Variants in NTNG1 observed in about 807,000 individuals in gnomAD.
NTNG1 encodes the protein netrin G1, also known as netrin-G1.
NTNG1 carries 16 observed loss-of-function variants against 54.0 expected under a neutral mutation model. The observed-to-expected ratio is 0.30, with a 90% confidence interval of 0.20 to 0.45. NTNG1 has a LOEUF of 0.45. NTNG1 is among the 20% of genes least tolerant of loss of function. NTNG1 has a pLI of 1.00. For synonymous variants in NTNG1, 255 were observed against 263.1 expected (o/e 0.97, Z 0.30); for missense variants, 530 against 678.7 (o/e 0.78, Z 2.43).
At chr1:107,189,838 GGGCCTTACT>G (rs1217573540) in intron 2 of NTNG1, among the ~76,000 whole-genome samples, 1 of 151,688 alleles carries the variant, frequency 6.6e-6, no homozygotes, top group African/African-American at 2.4e-5. Flanking sequence ...AAAAAGGGGG[GGGCCTTACT>G]GGATCAGGTA....
Position 107,317,296 on chromosome 1 carries a change from A to G in NTNG1, c.247-6986A>G, listed in dbSNP as rs529430355. On this transcript the variant is annotated intron_variant, in intron 2 of 7. Coordinates refer to ENST00000370068, the MANE Select transcript of NTNG1 (RefSeq NM_001113226.3). ...TAGCTTTTTTGTAATTAACGTTTTT[A>G]AAATCTGTGCTCTGATCTAATTCAA... 2.1e-4 allele frequency among the ~76,000 whole-genome samples: 32 copies of G among 152,284 alleles called. No homozygotes were observed. The East Asian group carries it at 4.6e-3, about 22-fold the overall frequency.
intron 2 of NTNG1, among the ~76,000 whole-genome samples, chr1:107,256,690 G>C (rs891890468): frequency 3.3e-5 from 5 of 152,184 alleles, no homozygotes; most frequent in Admixed American, 2.6e-4. Flanking sequence ...AGTTCCATGA[G>C]CCTGGACGGG....
At position 107,149,474 on chromosome 1, in the gene NTNG1, T is replaced by C. The variant is rs564401070; in HGVS notation, c.246+635T>C. Among the ~76,000 whole-genome samples, 6 of 152,338 alleles carry C rather than the reference T, an allele frequency of 3.9e-5. No individual in the cohort carries two copies. In the East Asian group the frequency reaches 1.2e-3, roughly 29 times the overall value. ...TCTATGTATATTTTAAAGATGACTT[T>C]TGGAATATAGAAAACTTATTTGCTG... On this transcript the variant is annotated intron_variant, in intron 2 of 7. Transcript: ENST00000370068.
At position 107,311,029 on chromosome 1, in the gene NTNG1, A is replaced by T. The variant is rs1388184956; in HGVS notation, c.247-13253A>T. 4.6e-5 allele frequency among the ~76,000 whole-genome samples: 7 copies of T among 152,314 alleles called. No individual in the cohort carries two copies. In the East Asian group the frequency reaches 1.3e-3, roughly 29 times the overall value. On this transcript the variant is annotated intron_variant, in intron 2 of 7. Coordinates refer to ENST00000370068, the MANE Select transcript of NTNG1 (RefSeq NM_001113226.3). ...TCAGAATCTCTGTAATTAGCCACTG[A>T]AGCTGTGGCAAATAAACAAAGAGCA...
At chr1:107,205,627 T>A (rs6675846) in intron 2 of NTNG1, among the ~76,000 whole-genome samples, 130,307 of 151,354 alleles carry the variant, frequency 0.86, 57,046 homozygotes, top group East Asian at 0.95. Flanking sequence ...ACTTTTTTTT[T>A]AAAAAAAACT....
At chr1:107,162,939 T>C (rs1557772115) in intron 2 of NTNG1, among the ~76,000 whole-genome samples, 1 of 152,128 alleles carries the variant, frequency 6.6e-6, no homozygotes, top group Non-Finnish European at 1.5e-5. Flanking sequence ...GAGGGTGATG[T>C]GTAACTGTAA....
At chr1:107,393,160 C>T (rs1284338290) in intron 3 of NTNG1, among the ~76,000 whole-genome samples, 14 of 152,086 alleles carry the variant, frequency 9.2e-5, no homozygotes, top group Non-Finnish European at 2.1e-4. Flanking sequence ...ATACATAATC[C>T]AATTTACAAT....
intron 2 of NTNG1, among the ~76,000 whole-genome samples, chr1:107,162,897 A>G (rs948665182): frequency 6.6e-6 from 1 of 152,094 alleles, no homozygotes; most frequent in African/African-American, 2.4e-5. Context: ...ATCATCCATC[A>G]CTGGAATAAC....
intron 7 of NTNG1, among the ~76,000 whole-genome samples, chr1:107,452,705 C>T (rs1382649672): frequency 1.3e-5 from 2 of 152,154 alleles, no homozygotes; most frequent in Non-Finnish European, 2.9e-5. Flanking sequence ...CAAGTGTCTG[C>T]TTCCCCTTTG....
At chr1:107,326,230 G>C (rs1369881813) in intron 3 of NTNG1, among the ~76,000 whole-genome samples, 1 of 152,152 alleles carries the variant, frequency 6.6e-6, no homozygotes, top group Non-Finnish European at 1.5e-5. Context: ...CCTCATGGAA[G>C]AATCAAAAGC....
chr1:107,238,823 C>T lies in NTNG1; in HGVS notation c.247-85459C>T, dbSNP rs1290272604. Among the ~76,000 whole-genome samples the T allele has an allele frequency of 2.7e-5, 4 of 150,650 alleles. No homozygotes were observed. The East Asian group carries it at 5.8e-4, about 22-fold the overall frequency. On this transcript the variant is annotated intron_variant, in intron 2 of 7. Coordinates refer to ENST00000370068, the MANE Select transcript of NTNG1 (RefSeq NM_001113226.3). ...TTTTTTTTTGTAAATTGCCCACTCT[C>T]GGGTATGTCTTTATCAGCAGCATGA...
chr1:107,401,633 A>G (rs1007041325), intron 4 of NTNG1, among the ~76,000 whole-genome samples: 4 of 152,118 alleles, frequency 2.6e-5, no homozygotes, highest in African/African-American at 9.7e-5. Flanking sequence ...AAGTTAATTC[A>G]GATCACAGTA....
chr1:107,478,388 T>G, intron 7 of NTNG1, among the ~76,000 whole-genome samples: 1 of 152,228 alleles, frequency 6.6e-6, no homozygotes, highest in East Asian at 1.9e-4. Context: ...CTAGTATATT[T>G]ATTAAATTTC....
chr1:107,281,348 G>A (rs1664847641), intron 2 of NTNG1, among the ~76,000 whole-genome samples: 1 of 151,180 alleles, frequency 6.6e-6, no homozygotes, highest in Non-Finnish European at 1.5e-5. Context: ...TTTATATTTA[G>A]CAGGGATTTT....
chr1:107,340,813 A>G (rs914657754), intron 3 of NTNG1, among the ~76,000 whole-genome samples: 2 of 152,082 alleles, frequency 1.3e-5, no homozygotes, highest in Non-Finnish European at 2.9e-5. Flanking sequence ...GATAGACTTT[A>G]GAAAAATCAC....
intron 2 of NTNG1, among the ~76,000 whole-genome samples, chr1:107,162,602 T>C (rs528947720): frequency 1.3e-5 from 2 of 152,220 alleles, no homozygotes; most frequent in African/African-American, 4.8e-5. Flanking sequence ...TTTGGATAAA[T>C]AAACATTGAG....
At chr1:107,304,225 AT>A (rs1003325997) in intron 2 of NTNG1, among the ~76,000 whole-genome samples, 5 of 151,060 alleles carry the variant, frequency 3.3e-5, no homozygotes, top group Non-Finnish European at 7.4e-5. Context: ...TTTTAAAATA[AT>A]TTTTTTCTTT....
intron 2 of NTNG1, among the ~76,000 whole-genome samples, chr1:107,196,910 G>A (rs1021608555): frequency 4.6e-5 from 7 of 151,716 alleles, no homozygotes; most frequent in Admixed American, 1.3e-4. Flanking sequence ...GTCAGACTAA[G>A]AGCCTATGAA....
chr1:107,388,731 T>A (rs1236674510), intron 3 of NTNG1, among the ~76,000 whole-genome samples: 1 of 152,208 alleles, frequency 6.6e-6, no homozygotes, highest in African/African-American at 2.4e-5. Flanking sequence ...AGTGTCCCAG[T>A]GTCATAACTC....
Sources: gnomAD v4.1 joint callset for allele counts (sites outside exome capture counted in the v4.1 genomes callset) on GRCh38, gnomAD v4.1.1 for gene constraint, MANE v1.5 for transcripts, NCBI Gene and HGNC (gene_info 2026-07-23, HGNC 2026-07-21) for gene names.